Variants in LLGL2 observed in about 807,000 individuals in gnomAD.
The protein encoded by LLGL2 is LLGL2, scribble cell polarity complex component.
A neutral mutation model predicts 123.2 loss-of-function variants in LLGL2; 81 were observed. The ratio of observed to expected loss-of-function variants is 0.66; its 90% confidence interval spans 0.55 to 0.79. LLGL2 has a LOEUF of 0.79. LLGL2 is among the 30% of genes least tolerant of loss of function. LLGL2 has a pLI of 0.00. For missense variants in LLGL2, 1,273 were observed against 1,414.6 expected, an observed-to-expected ratio of 0.90 and a Z score of 1.61; for synonymous variants, 577 against 594.1, an observed-to-expected ratio of 0.97 and a Z score of 0.42.
chr17:75,574,445 G>A lies in LLGL2; in HGVS notation c.2954-8G>A, dbSNP rs1368856496. On this transcript the variant is annotated splice_region_variant and splice_polypyrimidine_tract_variant and intron_variant, in intron 23 of 25. Coordinates refer to ENST00000392550, the MANE Select transcript of LLGL2 (RefSeq NM_001031803.2). ...CTCAGTGGGCCTCTGTTCCCACCCGGCCTGCAGGAGTCCTGAAGGAAATCC... is the reference window on the plus strand; with the variant it reads ...CTCAGTGGGCCTCTGTTCCCACCCGACCTGCAGGAGTCCTGAAGGAAATCC... The A allele has an allele frequency of 6.5e-7, 1 of 1,549,468 alleles. No homozygotes were observed. The highest frequency in any genetic ancestry group is 8.7e-7 in the Non-Finnish European group (1 of 1,147,662).
chr17:75,534,959 T>C (rs555658882), intron 1 of LLGL2, among the ~76,000 whole-genome samples: 96 of 152,362 alleles, frequency 6.3e-4, no homozygotes, highest in Middle Eastern at 3.4e-3. Context: ...CCTCCAGTCA[T>C]GCCCCCATTC....
chr17:75,547,293 A>G (rs1273304198), intron 2 of LLGL2, among the ~76,000 whole-genome samples: 1 of 152,238 alleles, frequency 6.6e-6, no homozygotes, highest in Non-Finnish European at 1.5e-5. Context: ...ACTCCAGTTC[A>G]CCGAGGGCTA....
intron 1 of LLGL2, among the ~76,000 whole-genome samples, chr17:75,527,912 T>G (rs2053629909): frequency 6.6e-6 from 1 of 151,464 alleles, no homozygotes; most frequent in African/African-American, 2.4e-5. Context: ...CTCAGCCTTC[T>G]GAGTAGCTGG....
intron 2 of LLGL2, among the ~76,000 whole-genome samples, chr17:75,551,342 C>T (rs183732419): frequency 1.7e-4 from 26 of 152,220 alleles, no homozygotes; most frequent in African/African-American, 3.1e-4. Context: ...AGTACCATCC[C>T]GTTTATTAGA....
chr17:75,548,178 T>TC (rs138323474), intron 2 of LLGL2, among the ~76,000 whole-genome samples: 6,063 of 152,268 alleles, frequency 0.04, 157 homozygotes, highest in Middle Eastern at 0.12. Flanking sequence ...AACCCTCTAT[T>TC]CGCAATCATT....
rs561039690 is a variant in LLGL2 at position 75,571,661 on chromosome 17, C to T, written c.2177-6C>T. 2.0e-5 allele frequency: 32 copies of T among 1,602,986 alleles called. No individual in the cohort carries two copies. Among genetic ancestry groups the T allele is most frequent in the Admixed American group, 1.5e-4 (9 of 59,986 alleles). On this transcript the variant is annotated splice_region_variant and splice_polypyrimidine_tract_variant and intron_variant, in intron 17 of 25. Coordinates refer to ENST00000392550, the MANE Select transcript of LLGL2 (RefSeq NM_001031803.2). ...GGTCAGACACCCAAACATGGCTTCT[C>T]GGCAGGCTCCCGGCACTGCCCCTCG... is the stretch of plus-strand genomic sequence containing the variant.
chr17:75,531,479 A>G (rs9902354), intron 1 of LLGL2, among the ~76,000 whole-genome samples: 78,690 of 152,174 alleles, frequency 0.52, 23,517 homozygotes, highest in Non-Finnish European at 0.67. Flanking sequence ...TTTGAGCAGC[A>G]CTGGCAGCCT....
rs548735994 is a variant in LLGL2, at chr17:75,544,690, G to A, written c.75+1189G>A. ...CGTGACCTCCCTGTTGGGAGAGGTGGGTCGTGGGGTGGAGGGACCTCCCTG... is the reference window on the plus strand; with the variant it reads ...CGTGACCTCCCTGTTGGGAGAGGTGAGTCGTGGGGTGGAGGGACCTCCCTG... On this transcript the variant is annotated intron_variant, in intron 2 of 25. Coordinates refer to ENST00000392550, the MANE Select transcript of LLGL2 (RefSeq NM_001031803.2). This position sits in a 1 kb window ranked among gnomAD's most constrained non-coding sequence, Gnocchi z 4.2. Among the ~76,000 whole-genome samples the A allele has an allele frequency of 6.6e-6, 1 of 152,284 alleles. No homozygotes were observed. Among genetic ancestry groups the A allele is most frequent in the South Asian group, 2.1e-4 (1 of 4,824 alleles).
chr17:75,542,818 G>C (rs2054266792), intron 1 of LLGL2: 1 of 152,358 alleles, frequency 6.6e-6, no homozygotes. Context: ...GCCCACTTGA[G>C]TTTCTCATGG....
Position 75,569,104 on chromosome 17 carries a change from C to T in LLGL2, c.1449C>T (p.Gly483=), listed in dbSNP as rs775749543. ...CCAACGAGAACTTCAGTGCCCAGGG[C>T]GAGGACGAGTGGCCCCCACTCCGCA... is the stretch of plus-strand genomic sequence containing the variant. ...TDPNENFSAQ[G]EDEWPPLRKV... The change falls in exon 13 of 26, where the codon GGC becomes GGT. Residue 483 remains glycine, a synonymous_variant. Coordinates refer to ENST00000392550, the MANE Select transcript of LLGL2 (RefSeq NM_001031803.2). 6.2e-6 allele frequency: 10 copies of T among 1,613,194 alleles called. No individual in the cohort carries two copies. The highest frequency in any genetic ancestry group is 4.4e-5 in the South Asian group (4 of 91,038).
At chr17:75,543,542 G>T (rs377431498) in intron 2 of LLGL2, 41 bp downstream of exon 2, 41 of 1,574,052 alleles carry the variant, frequency 2.6e-5, no homozygotes, top group African/African-American at 4.1e-5. Flanking sequence ...CCAGGTTTTC[G>T]GCCAAGCAGC....
At chr17:75,553,438 G>A (rs1371423182) in intron 2 of LLGL2, among the ~76,000 whole-genome samples, 1 of 152,262 alleles carries the variant, frequency 6.6e-6, no homozygotes, top group African/African-American at 2.4e-5. Context: ...GGACTAGACT[G>A]ACTGATGGGG....
chr17:75,555,322 C>T (rs1283686830), intron 2 of LLGL2, among the ~76,000 whole-genome samples: 1 of 144,778 alleles, frequency 6.9e-6, no homozygotes, highest in Non-Finnish European at 1.5e-5. Context: ...CGGAGTCTCG[C>T]TCTGTCGCCC....
At chr17:75,543,133 G>A (rs966240141) in intron 1 of LLGL2, 3 of 268,778 alleles carry the variant, frequency 1.1e-5, no homozygotes, top group Non-Finnish European at 2.1e-5. Context: ...TATAAAGCCA[G>A]GCTAAATGGC....
At position 75,526,508 on chromosome 17, in the gene LLGL2, C is replaced by A. The variant is rs150327727; in HGVS notation, c.-31+683C>A. 2.6e-5 allele frequency among the ~76,000 whole-genome samples: 4 copies of A among 152,274 alleles called. No homozygotes were observed. In the East Asian group the frequency reaches 7.7e-4, roughly 29 times the overall value. On this transcript the variant is annotated intron_variant, in intron 1 of 25. Transcript: ENST00000392550. Reference sequence around the variant, plus strand: ...CAAAGAAAGTGTGTCTTAGTTTGTTCCGGCTGGACGATTGGTGGACACGCT... The same window carrying A: ...CAAAGAAAGTGTGTCTTAGTTTGTTACGGCTGGACGATTGGTGGACACGCT...
intron 2 of LLGL2, among the ~76,000 whole-genome samples, chr17:75,551,899 C>T (rs1343275341): frequency 6.6e-6 from 1 of 152,148 alleles, no homozygotes; most frequent in Non-Finnish European, 1.5e-5. Context: ...GAGGTCAAGG[C>T]GAGGAGATCA....
At chr17:75,567,454 A>T (rs1013712455) in intron 10 of LLGL2, among the ~76,000 whole-genome samples, 5 of 151,612 alleles carry the variant, frequency 3.3e-5, no homozygotes, top group Non-Finnish European at 7.4e-5. Flanking sequence ...ACAAGAGCGA[A>T]ACTCCGTCTC....
At position 75,571,040 on chromosome 17, in the gene LLGL2, G is replaced by A. The variant is rs2055684632; in HGVS notation, c.2116G>A (p.Glu706Lys). The A allele has an allele frequency of 6.2e-7, 1 of 1,612,952 alleles. No individual in the cohort carries two copies. Among genetic ancestry groups the A allele is most frequent in the Admixed American group, 1.7e-5 (1 of 59,998 alleles). ...VQRKIEARSA[E>K]DSFTGFVRTL... ...GCGCAAGATCGAGGCTCGCTCGGCA[G>A]AGGACTCCTTCACAGGCTTCGTCCG... is the stretch of plus-strand genomic sequence containing the variant. The change falls in exon 17 of 26, where the codon GAG becomes AAG. Residue 706 changes from glutamate to lysine, a missense_variant. Physicochemically the swap from Glu to Lys is moderately conservative, Grantham distance 56. Coordinates refer to ENST00000392550, the MANE Select transcript of LLGL2 (RefSeq NM_001031803.2).
At chr17:75,555,921 G>C (rs2054890730) in intron 2 of LLGL2, 125 bp from the exon 3 acceptor site, 1 of 693,650 alleles carries the variant, frequency 1.4e-6, no homozygotes, top group African/African-American at 1.7e-5. Flanking sequence ...TCAGGTGTCT[G>C]GGAGGAACCG....
Sources: allele counts gnomAD v4.1 joint callset (sites outside exome capture counted in the v4.1 genomes callset), GRCh38; gene constraint gnomAD v4.1.1; non-coding constraint Gnocchi (gnomAD v3.1); transcripts MANE v1.5; gene names NCBI Gene and HGNC (gene_info 2026-07-23, HGNC 2026-07-21).